CHD8: variants seen among roughly 807,000 people sequenced by gnomAD.
The protein encoded by CHD8 is chromodomain helicase DNA binding protein 8, also known as ATP-dependent chromatin remodeler CHD8.
In CHD8, 31 loss-of-function variants were observed where a neutral mutation model predicts 279.2. The observed-to-expected ratio is 0.11, with a 90% CI of 0.08 to 0.15. CHD8 has a LOEUF of 0.15. Ranked by LOEUF, CHD8 falls within the 10% of genes least tolerant of loss-of-function variation. CHD8 has a pLI of 1.00. For synonymous variants in CHD8, 1,081 were observed against 1,139.6 expected, an observed-to-expected ratio of 0.95 and a Z score of 1.04; for missense variants, 2,146 against 3,230.5, an observed-to-expected ratio of 0.66 and a Z score of 8.14.
At chr14:21,424,886 T>G (rs1420537980) in intron 5 of CHD8, among the ~76,000 whole-genome samples, 1 of 152,138 alleles carries the variant, frequency 6.6e-6, no homozygotes, top group Non-Finnish European at 1.5e-5. Context: ...GAGAAACACT[T>G]AAGGTTCATT....
chr14:21,417,801 C>T (rs994697176), intron 5 of CHD8, among the ~76,000 whole-genome samples: 2 of 147,786 alleles, frequency 1.4e-5, no homozygotes, highest in Admixed American at 6.8e-5. Flanking sequence ...TTGCAGTGAG[C>T]CGAGATCGCG....
At position 21,402,212 on chromosome 14, in the gene CHD8, ATATTT is replaced by A. The variant is rs1441478503; in HGVS notation, c.3883-81_3883-77del. ...ACCATGCCATAATATTTTAGCTATT[ATATTT>A]TAAGAAATAATAATTGAGAATCCAA... is the stretch of plus-strand genomic sequence containing the variant. On this transcript the variant is annotated intron_variant, in intron 19 of 37. Transcript: ENST00000646647. This position sits in a 1 kb window ranked among gnomAD's most constrained non-coding sequence, Gnocchi z 4.5. 10 of 1,460,438 alleles carry A rather than the reference ATATTT, an allele frequency of 6.8e-6. No homozygotes were observed. The African/African-American group carries it at 1.3e-4, about 19-fold the overall frequency. 90.5% of individuals were successfully genotyped at this position (1,460,438 alleles called of 1,614,324 possible).
intron 1 of CHD8, among the ~76,000 whole-genome samples, chr14:21,439,376 T>G (rs879783673): frequency 1.3e-5 from 2 of 151,880 alleles, no homozygotes; most frequent in Non-Finnish European, 2.9e-5. Flanking sequence ...CTCTAAAACC[T>G]CCCCCCTGTA....
At chr14:21,453,040 G>A (rs936210632) in intron 1 of CHD8, among the ~76,000 whole-genome samples, 2 of 151,614 alleles carry the variant, frequency 1.3e-5, no homozygotes, top group African/African-American at 4.9e-5. Context: ...TGGGTGTGGT[G>A]GCCCACACCT....
Position 21,429,128 on chromosome 14 carries a change from T to C in CHD8, c.1051A>G (p.Ile351Val), listed in dbSNP as rs775862206. 6.2e-7 allele frequency: 1 copy of C among 1,613,872 alleles called. No individual in the cohort carries two copies. The highest frequency in any genetic ancestry group is 8.5e-7 in the Non-Finnish European group (1 of 1,179,872). The part of the protein sequence containing the change: ...QLQVQQPQQK[I>V]QIVPQPPSSQ... Reference sequence around the variant, plus strand: ...GATGGTGGTTGTGGTACAATCTGGATTTTTTGCTGTGGCTGCTGCACCTGC... The same window carrying C: ...GATGGTGGTTGTGGTACAATCTGGACTTTTTGCTGTGGCTGCTGCACCTGC... Residue 351 changes from isoleucine to valine, a missense_variant, in exon 3 of 38, where the codon ATC becomes GTC. Coordinates refer to ENST00000646647, the MANE Select transcript of CHD8 (RefSeq NM_001170629.2).
At chr14:21,443,868 A>AAC (rs1890049149) in intron 1 of CHD8, among the ~76,000 whole-genome samples, 1 of 151,680 alleles carries the variant, frequency 6.6e-6, no homozygotes, top group African/African-American at 2.4e-5. Context: ...AAAAAAAAAA[A>AAC]AAAAAAAAAA....
intron 5 of CHD8, among the ~76,000 whole-genome samples, chr14:21,417,543 C>T (rs966156899): frequency 3.9e-5 from 6 of 152,032 alleles, no homozygotes; most frequent in African/African-American, 9.7e-5. Context: ...CAGTGAGACC[C>T]TGTCTCTATT....
chr14:21,403,221 G>T lies in CHD8; in HGVS notation c.3519-9C>A, dbSNP rs1000841030. ...TACGTTCATATAAGTACCTGTATGG[G>T]AATCGCAGAAAAAAAATGTAAGTGG... On this transcript the variant is annotated splice_polypyrimidine_tract_variant and intron_variant, in intron 17 of 37. Transcript: ENST00000646647. This position sits in a 1 kb window ranked among gnomAD's most constrained non-coding sequence, Gnocchi z 4.3. 2.9e-5 allele frequency: 46 copies of T among 1,609,490 alleles called. No homozygotes were observed. The highest frequency in any genetic ancestry group is 3.8e-5 in the Non-Finnish European group (45 of 1,177,552).
chr14:21,441,846 G>A (rs537674426), intron 1 of CHD8, among the ~76,000 whole-genome samples: 28 of 152,134 alleles, frequency 1.8e-4, no homozygotes, highest in South Asian at 6.2e-4. Context: ...CCAAGATTGC[G>A]CCACTGCACT....
chr14:21,424,978 C>T (rs946285476), intron 5 of CHD8, among the ~76,000 whole-genome samples: 1 of 152,182 alleles, frequency 6.6e-6, no homozygotes, highest in Non-Finnish European at 1.5e-5. Context: ...CTTAGAAGCA[C>T]TATGGGTCTC....
intron 37 of CHD8, among the ~76,000 whole-genome samples, chr14:21,390,363 G>T (rs893672854): frequency 6.6e-6 from 1 of 152,186 alleles, no homozygotes; most frequent in South Asian, 2.1e-4. Context: ...AGATCTGAAT[G>T]TTCTCTCTAA....
intron 37 of CHD8, among the ~76,000 whole-genome samples, chr14:21,390,556 G>A (rs1194932097): frequency 1.3e-5 from 2 of 152,172 alleles, no homozygotes; most frequent in African/African-American, 4.8e-5. Flanking sequence ...GAGGCGGGTG[G>A]ATCACGAGGT....
intron 26 of CHD8, chr14:21,398,717 TAA>T (rs1347386917): frequency 1.3e-5 from 2 of 152,980 alleles, no homozygotes; most frequent in South Asian, 4.0e-4. Flanking sequence ...AAAACTGCTA[TAA>T]GAGTAAGGAA....
chr14:21,405,457 T>C lies in CHD8; in HGVS notation c.3059A>G (p.Lys1020Arg). 1 of 1,602,194 alleles carries C rather than the reference T, an allele frequency of 6.2e-7. No homozygotes were observed. The highest frequency in any genetic ancestry group is 1.3e-5 in the African/African-American group (1 of 74,862). ...GDLKTEEQVQ[K>R]LQAILKPMML... The stretch of plus-strand genomic sequence containing the variant: ...CATTGGCTTAAGAATGGCCTGTAGC[T>C]TTTGAACCTGTGGTCCATTACAGAG... Residue 1020 changes from lysine (K) to arginine (R), a missense_variant, in exon 16 of 38, where the codon AAG becomes AGG. Lys to Arg is a conservative substitution (Grantham distance 26, BLOSUM62 2). Coordinates refer to ENST00000646647, the MANE Select transcript of CHD8 (RefSeq NM_001170629.2). This position sits in a 1 kb window ranked among gnomAD's most constrained non-coding sequence, Gnocchi z 4.2.
At position 21,391,587 on chromosome 14, in the gene CHD8, C is replaced by T. The variant is rs368170570; in HGVS notation, c.6941G>A (p.Arg2314Gln). ...PNHLDVDLET[R>Q]IPVINKVDGT... ...ATCCACCTTATTGATGACAGGGATC[C>T]GGGTCTCCAGGTCCACATCAAGGTG... The change falls in exon 36 of 38, where the codon CGG becomes CAG. Residue 2314 changes from arginine (R) to glutamine (Q), a missense_variant. Physicochemically the swap from Arg to Gln is conservative, Grantham distance 43. Coordinates refer to ENST00000646647, the MANE Select transcript of CHD8 (RefSeq NM_001170629.2). 4.1e-5 allele frequency: 65 copies of T among 1,594,806 alleles called. No individual in the cohort carries two copies. The highest frequency in any genetic ancestry group is 1.4e-4 in the East Asian group (6 of 43,370).
intron 1 of CHD8, among the ~76,000 whole-genome samples, chr14:21,435,208 T>A: frequency 6.6e-6 from 1 of 152,188 alleles, no homozygotes; most frequent in East Asian, 1.9e-4. Context: ...TTGGAGGGCA[T>A]GTAGGGGGTG....
At chr14:21,422,094 A>G (rs1467887836) in intron 5 of CHD8, among the ~76,000 whole-genome samples, 2 of 152,238 alleles carry the variant, frequency 1.3e-5, no homozygotes, top group Non-Finnish European at 2.9e-5. Context: ...TAATTCCAGC[A>G]CATTGGGAGG....
At position 21,394,357 on chromosome 14, in the gene CHD8, T is replaced by C; in HGVS notation, c.5519A>G (p.Asp1840Gly). The C allele has an allele frequency of 6.2e-7, 1 of 1,613,974 alleles. No homozygotes were observed. The highest frequency in any genetic ancestry group is 8.5e-7 in the Non-Finnish European group (1 of 1,179,882). The stretch of plus-strand genomic sequence containing the variant: ...ATGGAAGTACTTGGTAAGGCTTTCA[T>C]CTGTCTTTTTGTCTAGTCGAGCAAA... ...RTFARLDKKT[D>G]ESLTKYFHGF... Residue 1840 changes from aspartate (D) to glycine (G), a missense_variant, in exon 31 of 38, where the codon GAT becomes GGT. Physicochemically the swap from Asp to Gly is moderately conservative, Grantham distance 94. Around this residue, in one of 26 missense-constraint regions of CHD8, gnomAD observed 513 missense variants for 637.6 expected, o/e 0.80. Transcript: ENST00000646647.
At chr14:21,420,422 G>A (rs1029937960) in intron 5 of CHD8, among the ~76,000 whole-genome samples, 2 of 152,156 alleles carry the variant, frequency 1.3e-5, no homozygotes, top group African/African-American at 4.8e-5. Flanking sequence ...GGCAGGACTA[G>A]AGTGGAAGTA....
Sources: allele counts gnomAD v4.1 joint callset (sites outside exome capture counted in the v4.1 genomes callset), GRCh38; gene constraint gnomAD v4.1.1; regional missense constraint gnomAD v4.1.1; non-coding constraint Gnocchi (gnomAD v3.1); transcripts MANE v1.5; gene names NCBI Gene and HGNC (gene_info 2026-07-23, HGNC 2026-07-21).